Variants in TINAG observed in about 807,000 individuals in gnomAD.
TINAG encodes tubulointerstitial nephritis antigen.
A neutral mutation model predicts 72.7 loss-of-function variants in TINAG; 83 were observed. The ratio of observed to expected loss-of-function variants is 1.14; its 90% CI spans 0.96 to 1.37. The LOEUF is 1.37. Among genes scored for constraint, TINAG ranks in the 40% most tolerant of loss-of-function variants. The pLI is 0.00. For synonymous variants in TINAG, 234 were observed against 189.9 expected (o/e 1.23, Z -1.91); for missense variants, 685 against 576.6 (o/e 1.19, Z -1.93).
chr6:54,355,862 A>C (rs916451301), intron 9 of TINAG, among the ~76,000 whole-genome samples: 1 of 151,738 alleles, frequency 6.6e-6, no homozygotes, highest in Admixed American at 6.6e-5. Context: ...AGAAGGAAGG[A>C]AGGAAGGAAG....
chr6:54,385,879 ATT>A (rs557831982), intron 10 of TINAG, among the ~76,000 whole-genome samples: 15 of 80,756 alleles, frequency 1.9e-4, no homozygotes, highest in African/African-American at 6.0e-4. Context: ...AAAAAACATG[ATT>A]TTTTTTTTTT....
intron 4 of TINAG, among the ~76,000 whole-genome samples, chr6:54,334,393 A>G (rs1173214027): frequency 6.6e-6 from 1 of 152,226 alleles, no homozygotes; most frequent in Non-Finnish European, 1.5e-5. Context: ...CTTTTGAGTG[A>G]TGTAATCACC....
In TINAG at chr6:54,356,435, G is replaced by A. The variant is rs140404602; in HGVS notation, c.1250+1799G>A. Among the ~76,000 whole-genome samples the A allele has an allele frequency of 7.3e-3, 1,109 of 151,962 alleles. 14 individuals carry two copies. The highest frequency in any genetic ancestry group is 0.025 in the African/African-American group (1,052 of 41,484). ...ACCTGTAATCCCAGCTACTCAGGAG[G>A]CTGAGGCACGAGAATCGCTTAAACC... On this transcript the variant is annotated intron_variant, in intron 9 of 10. Transcript: ENST00000259782.
intron 1 of TINAG, among the ~76,000 whole-genome samples, chr6:54,311,948 C>T (rs936565649): frequency 1.3e-5 from 2 of 152,174 alleles, no homozygotes; most frequent in African/African-American, 4.8e-5. Flanking sequence ...TCCACTTACT[C>T]TGATTTTTAA....
rs1006677348 is a variant in TINAG at position 54,380,643 on chromosome 6, T to C, written c.1296+72T>C. The C allele has an allele frequency of 7.9e-6, 10 of 1,258,134 alleles. No individual in the cohort carries two copies. The African/African-American group carries it at 1.5e-4, about 19-fold the overall frequency. 77.9% of individuals were successfully genotyped at this position (1,258,134 alleles called of 1,614,324 possible). A position where few individuals can be genotyped will look rare whatever the true frequency, so the allele number is the denominator to read the frequency against. On this transcript the variant is annotated intron_variant, in intron 10 of 10. Transcript: ENST00000259782. ...TCAAATCTTCTGTTCCTCTGCTACC[T>C]GCTTTGTATTATTTAGTCACATCCT...
At chr6:54,356,596 A>G (rs770011142) in intron 9 of TINAG, among the ~76,000 whole-genome samples, 28 of 151,804 alleles carry the variant, frequency 1.8e-4, no homozygotes, top group African/African-American at 6.0e-4. Flanking sequence ...GGTAAAAAAC[A>G]TGTCAGGTAA....
chr6:54,363,133 C>T (rs1763291097), intron 9 of TINAG, among the ~76,000 whole-genome samples: 1 of 151,534 alleles, frequency 6.6e-6, no homozygotes, highest in Non-Finnish European at 1.5e-5. Context: ...GACTACACAA[C>T]ACTGTGTGGA....
At position 54,351,374 on chromosome 6, in the gene TINAG, T is replaced by A; in HGVS notation, c.1103T>A (p.Ile368Asn). The A allele has an allele frequency of 6.2e-7, 1 of 1,610,300 alleles. No individual in the cohort carries two copies. The highest frequency in any genetic ancestry group is 1.1e-5 in the South Asian group (1 of 90,940). Reference sequence around the variant, plus strand: ...CAGGAAACTGAGATAATGAAAGAAATCATGCAAAATGGACCAGTTCAAGGT... The same window carrying A: ...CAGGAAACTGAGATAATGAAAGAAAACATGCAAAATGGACCAGTTCAAGGT... ...SSNETEIMKE[I>N]MQNGPVQAIM... Residue 368 changes from isoleucine to asparagine, a missense_variant, in exon 8 of 11, where the codon ATC becomes AAC. Transcript: ENST00000259782.
Position 54,366,587 on chromosome 6 carries a change from AGAGG to A in TINAG, c.1250+11967_1250+11970del, listed in dbSNP as rs1038607115. ...TCTGTCCTCAGCATCGAGATAGAGAAGAGGGAGGGAGGGAGGGAGAGAGAGAGAG... is the reference window on the plus strand; with the variant it reads ...TCTGTCCTCAGCATCGAGATAGAGAAGAGGGAGGGAGGGAGAGAGAGAGAG... On this transcript the variant is annotated intron_variant, in intron 9 of 10. Transcript: ENST00000259782. 7.0e-5 allele frequency among the ~76,000 whole-genome samples: 10 copies of A among 142,610 alleles called. 1 individual carries two copies. The highest frequency in any genetic ancestry group is 2.5e-4 in the South Asian group (1 of 3,954). 93.6% of individuals were successfully genotyped at this position (142,610 alleles called of 152,430 possible).
At chr6:54,320,120 A>G (rs1378546670) in intron 1 of TINAG, among the ~76,000 whole-genome samples, 1 of 152,140 alleles carries the variant, frequency 6.6e-6, no homozygotes, top group Non-Finnish European at 1.5e-5. Context: ...TGTCTTTGTA[A>G]GGTAAATTCA....
At chr6:54,383,250 G>A (rs1396264393) in intron 10 of TINAG, among the ~76,000 whole-genome samples, 1 of 152,040 alleles carries the variant, frequency 6.6e-6, no homozygotes, top group African/African-American at 2.4e-5. Context: ...AATGTTTTGT[G>A]GGTCAGGAAA....
At chr6:54,355,833 T>C (rs986714004) in intron 9 of TINAG, among the ~76,000 whole-genome samples, 5 of 149,692 alleles carry the variant, frequency 3.3e-5, no homozygotes, top group African/African-American at 1.2e-4. Flanking sequence ...TATATAACTA[T>C]TGAGAAACAA....
intron 10 of TINAG, among the ~76,000 whole-genome samples, chr6:54,385,081 A>G (rs577025859): frequency 6.6e-6 from 1 of 152,280 alleles, no homozygotes; most frequent in Non-Finnish European, 1.5e-5. Context: ...TGATTCATGT[A>G]TTTTTAAAAG....
chr6:54,354,737 A>G, intron 9 of TINAG, 101 bp downstream of exon 9: 1 of 1,257,728 alleles, frequency 8.0e-7, no homozygotes, highest in Non-Finnish European at 1.1e-6. Context: ...TGTAGGAGAG[A>G]TTGTGATACA....
At chr6:54,347,774 G>A (rs186397318) in intron 6 of TINAG, among the ~76,000 whole-genome samples, 114 of 152,098 alleles carry the variant, frequency 7.5e-4, no homozygotes, top group African/African-American at 2.6e-3. Flanking sequence ...GAAGACTCAA[G>A]TAAATATTTT....
chr6:54,381,907 T>C (rs1215956829), intron 10 of TINAG, among the ~76,000 whole-genome samples: 1 of 152,054 alleles, frequency 6.6e-6, no homozygotes, highest in Non-Finnish European at 1.5e-5. Context: ...TGAGTGAATA[T>C]GAACGAATGT....
At chr6:54,308,357 C>G (rs1011203060), upstream of TINAG, 3 of 635,168 alleles carry the variant, frequency 4.7e-6, no homozygotes, top group South Asian at 6.2e-5. Context: ...TTCTAACATA[C>G]ATTATCTTGG....
intron 1 of TINAG, among the ~76,000 whole-genome samples, chr6:54,318,995 G>T (rs992076654): frequency 3.9e-5 from 6 of 151,970 alleles, no homozygotes; most frequent in African/African-American, 1.5e-4. Flanking sequence ...GATGATTTGG[G>T]GTGGCTTGGT....
chr6:54,332,885 A>C (rs1784773798), intron 4 of TINAG, among the ~76,000 whole-genome samples: 4 of 152,252 alleles, frequency 2.6e-5, no homozygotes. Context: ...ATCACTGGTC[A>C]TCAGAGAAAT....
Sources: allele counts gnomAD v4.1 joint callset (sites outside exome capture counted in the v4.1 genomes callset), GRCh38; gene constraint gnomAD v4.1.1; transcripts MANE v1.5; gene names NCBI Gene and HGNC (gene_info 2026-07-23, HGNC 2026-07-21).